ADAMTSL1: variants seen among roughly 807,000 people sequenced by gnomAD.
ADAMTSL1 encodes the protein ADAMTS-like protein 1.
A neutral mutation model predicts 201.8 loss-of-function variants in ADAMTSL1; 126 were observed. That is an observed-to-expected ratio of 0.62 (90% CI 0.54 to 0.72). The LOEUF is 0.72. Among genes scored for constraint, ADAMTSL1 ranks in the 30% least tolerant of loss-of-function variants. The probability of loss-of-function intolerance (pLI) is 0.00; values close to 1 mark genes in which losing one functional copy is unlikely to be tolerated. For synonymous variants in ADAMTSL1, 1,121 were observed against 903.4 expected, an observed-to-expected ratio of 1.24 and a Z score of -4.32; for missense variants, 2,679 against 2,277.8, an observed-to-expected ratio of 1.18 and a Z score of -3.59.
chr9:17,939,487 A>G lies in ADAMTSL1; in HGVS notation c.87+32565A>G, dbSNP rs576439785. Among the ~76,000 whole-genome samples, 14 of 152,158 alleles carry G rather than the reference A, an allele frequency of 9.2e-5. No homozygotes were observed. In the South Asian group the frequency reaches 2.9e-3, roughly 32 times the overall value. On this transcript the variant is annotated intron_variant, in intron 1 of 29. Coordinates refer to the ADAMTSL1 transcript ENST00000680146. ...TAGTGTCTTTTCATCTCATTCAGAA[A>G]TCTGTAATATTCTTTGAAAAAATAA...
intron 7 of ADAMTSL1, among the ~76,000 whole-genome samples, chr9:18,652,365 CAAAAAAAA>C (rs34900718): frequency 2.1e-5 from 2 of 94,962 alleles, no homozygotes; most frequent in African/African-American, 4.2e-5. Context: ...AACTCCATCT[CAAAAAAAA>C]AAAAAAAAAA....
At chr9:18,208,945 C>G (rs1829759585) in intron 2 of ADAMTSL1, among the ~76,000 whole-genome samples, 1 of 150,368 alleles carries the variant, frequency 6.7e-6, no homozygotes, top group South Asian at 2.1e-4. Flanking sequence ...ATTTTCTTAT[C>G]TACAAAATGG....
At chr9:18,145,301 G>C (rs953316372) in intron 1 of ADAMTSL1, among the ~76,000 whole-genome samples, 1 of 152,112 alleles carries the variant, frequency 6.6e-6, no homozygotes. Context: ...TTTGTTTTCG[G>C]TTCTTTGAGG....
In ADAMTSL1 at chr9:18,905,879, G is replaced by C. The variant is rs373127809; in HGVS notation, c.4949G>C (p.Ser1650Thr). The C allele has an allele frequency of 6.2e-7, 1 of 1,610,070 alleles. No individual in the cohort carries two copies. The highest frequency in any genetic ancestry group is 8.5e-7 in the Non-Finnish European group (1 of 1,177,488). Residue 1650 changes from serine to threonine, a missense_variant, in exon 27 of 29, where the codon AGT becomes ACT. By Grantham distance (58) the Ser-to-Thr change is moderately conservative. Transcript: ENST00000380548. ...ATCACCTTACCATCAGAGCAGTGCA[G>C]TGCTCTTCCGAGGTAAGAGAAAGCC... is the stretch of plus-strand genomic sequence containing the variant. ...DGITLPSEQC[S>T]ALPRPVSTQN...
At chr9:17,906,684 C>T (rs1297055337) in exon 1 of ADAMTSL1, 5 of 152,494 alleles carry the variant, frequency 3.3e-5, no homozygotes, top group African/African-American at 1.2e-4. Context: ...AGCCGCGCCG[C>T]CTGCCCCAGC....
At chr9:18,853,156 C>A (rs1357711465) in intron 23 of ADAMTSL1, among the ~76,000 whole-genome samples, 4 of 152,136 alleles carry the variant, frequency 2.6e-5, no homozygotes, top group African/African-American at 7.2e-5. Flanking sequence ...GGGACCTAAA[C>A]AACAGATGGG....
intron 7 of ADAMTSL1, among the ~76,000 whole-genome samples, chr9:18,646,331 T>G (rs200703901): frequency 2.0e-4 from 30 of 152,254 alleles, no homozygotes; most frequent in Non-Finnish European, 2.6e-4. Flanking sequence ...CATGTCATCT[T>G]CAAACAGGGA....
At chr9:18,450,859 G>T (rs1015877271) in intron 2 of ADAMTSL1, among the ~76,000 whole-genome samples, 2 of 152,180 alleles carry the variant, frequency 1.3e-5, no homozygotes, top group African/African-American at 4.8e-5. Flanking sequence ...TCATTACATA[G>T]AGTAAAATAT....
chr9:18,583,305 G>A (rs559477710), intron 4 of ADAMTSL1, among the ~76,000 whole-genome samples: 122 of 152,298 alleles, frequency 8.0e-4, no homozygotes, highest in African/African-American at 2.4e-3. Flanking sequence ...GGCTCGGGCC[G>A]TAGCTTCAGA....
intron 2 of ADAMTSL1, among the ~76,000 whole-genome samples, chr9:18,506,958 A>G (rs1817700560): frequency 6.6e-6 from 1 of 152,228 alleles, no homozygotes. Flanking sequence ...GGACTGATAC[A>G]TTATCCACAT....
intron 1 of ADAMTSL1, among the ~76,000 whole-genome samples, chr9:18,083,663 C>G (rs1229814830): frequency 1.3e-5 from 2 of 152,204 alleles, no homozygotes; most frequent in African/African-American, 4.8e-5. Context: ...AACTGGGGCT[C>G]TTTATGAGGA....
At chr9:18,387,429 C>T (rs1199814809) in intron 2 of ADAMTSL1, among the ~76,000 whole-genome samples, 4 of 151,768 alleles carry the variant, frequency 2.6e-5, no homozygotes, top group African/African-American at 9.7e-5. Flanking sequence ...CCTTCCTCAC[C>T]CAAAGTATGA....
chr9:18,534,918 A>T (rs1819665979), intron 3 of ADAMTSL1, among the ~76,000 whole-genome samples: 2 of 152,196 alleles, frequency 1.3e-5, no homozygotes, highest in Non-Finnish European at 2.9e-5. Context: ...CTGGTCCAGG[A>T]AACCATTTTT....
chr9:18,640,740 G>A (rs1341626736), intron 7 of ADAMTSL1, among the ~76,000 whole-genome samples: 3 of 151,898 alleles, frequency 2.0e-5, no homozygotes, highest in African/African-American at 7.2e-5. Flanking sequence ...CCTTCTATAT[G>A]CCACCGGTCA....
chr9:18,890,526 C>G, intron 25 of ADAMTSL1: 1 of 456,042 alleles, frequency 2.2e-6, no homozygotes, highest in Non-Finnish European at 4.4e-6. Context: ...TCATACAATA[C>G]TTAGGCAACT....
chr9:18,144,167 C>A (rs4133880), intron 1 of ADAMTSL1, among the ~76,000 whole-genome samples: 100,764 of 151,796 alleles, frequency 0.66, 34,427 homozygotes, highest in South Asian at 0.77. Context: ...ATACACTTTG[C>A]ATGTCCTAAT....
At chr9:18,852,820 A>G (rs1439776642) in intron 23 of ADAMTSL1, among the ~76,000 whole-genome samples, 1 of 152,226 alleles carries the variant, frequency 6.6e-6, no homozygotes, top group Non-Finnish European at 1.5e-5. Context: ...GATTAAATAT[A>G]TAAAAACAGT....
chr9:17,952,189 A>G (rs994504924), intron 1 of ADAMTSL1, among the ~76,000 whole-genome samples: 3 of 151,404 alleles, frequency 2.0e-5, no homozygotes, highest in Non-Finnish European at 2.9e-5. Flanking sequence ...CCTGAGCTCA[A>G]GCAATCCTCC....
intron 2 of ADAMTSL1, among the ~76,000 whole-genome samples, chr9:18,327,872 A>G (rs765282729): frequency 6.6e-6 from 1 of 152,230 alleles, no homozygotes; most frequent in African/African-American, 2.4e-5. Context: ...TCATTTATTC[A>G]TTCAACCATG....
Sources: gnomAD v4.1 joint callset for allele counts (sites outside exome capture counted in the v4.1 genomes callset) on GRCh38, gnomAD v4.1.1 for gene constraint, MANE v1.5 for transcripts, NCBI Gene and HGNC (gene_info 2026-07-23, HGNC 2026-07-21) for gene names.